STXBP6: variants seen among roughly 807,000 people sequenced by gnomAD.
The protein encoded by STXBP6 is syntaxin-binding protein 6.
A neutral mutation model predicts 26.9 loss-of-function variants in STXBP6; 21 were observed. The observed-to-expected ratio is 0.78, with a 90% confidence interval of 0.55 to 1.12. STXBP6 has a LOEUF of 1.12. STXBP6 is among the 50% of genes most tolerant of loss of function. The probability of loss-of-function intolerance (pLI) is 0.00; values close to 1 mark genes in which losing one functional copy is unlikely to be tolerated. For synonymous variants in STXBP6, 97 were observed against 92.6 expected (o/e 1.05, Z -0.27); for missense variants, 232 against 257.9 (o/e 0.90, Z 0.69).
intron 4 of STXBP6, among the ~76,000 whole-genome samples, chr14:24,851,241 T>TC (rs2069141073): frequency 6.7e-6 from 1 of 149,544 alleles, no homozygotes; most frequent in Non-Finnish European, 1.5e-5. Flanking sequence ...CCACGTCTCT[T>TC]TTTTTTTTTT....
At chr14:24,986,888 T>C (rs946090984) in intron 1 of STXBP6, among the ~76,000 whole-genome samples, 8 of 152,202 alleles carry the variant, frequency 5.3e-5, no homozygotes, top group Non-Finnish European at 8.8e-5. Flanking sequence ...CTCTATTCTA[T>C]GTCTTGAGAT....
rs530834249 is a variant in STXBP6 at position 24,856,987 on chromosome 14, G to C, written c.285+40C>G. 3.8e-5 allele frequency: 60 copies of C among 1,599,184 alleles called. No homozygotes were observed. The Middle Eastern group carries it at 8.4e-4, about 22-fold the overall frequency. On this transcript the variant is annotated intron_variant, in intron 3 of 5. Coordinates refer to ENST00000323944, the MANE Select transcript of STXBP6 (RefSeq NM_001394410.1). ...AAGGTCAATCAGAGAGTCATCTTGTGAAAAGAATGCCTTTGCTCAGCATTG... is the reference window on the plus strand; with the variant it reads ...AAGGTCAATCAGAGAGTCATCTTGTCAAAAGAATGCCTTTGCTCAGCATTG...
At chr14:25,022,795 C>A (rs913717272) in intron 1 of STXBP6, among the ~76,000 whole-genome samples, 1 of 152,156 alleles carries the variant, frequency 6.6e-6, no homozygotes, top group Admixed American at 6.5e-5. Flanking sequence ...GAAAATGCCA[C>A]ATTTTTATCT....
chr14:24,879,608 G>A (rs957673895), intron 2 of STXBP6, among the ~76,000 whole-genome samples: 1 of 152,198 alleles, frequency 6.6e-6, no homozygotes, highest in African/African-American at 2.4e-5. Flanking sequence ...ATTCTATTAT[G>A]GTCCTAAACC....
At chr14:25,018,316 T>G (rs2075195988) in intron 1 of STXBP6, among the ~76,000 whole-genome samples, 1 of 152,160 alleles carries the variant, frequency 6.6e-6, no homozygotes, top group East Asian at 1.9e-4. Flanking sequence ...TAGACCCCCC[T>G]AGTTCCCACA....
At chr14:25,005,177 T>C (rs1241020834) in intron 1 of STXBP6, among the ~76,000 whole-genome samples, 1 of 152,194 alleles carries the variant, frequency 6.6e-6, no homozygotes, top group Non-Finnish European at 1.5e-5. Flanking sequence ...GGGGATTTAT[T>C]TGAGAAACAA....
chr14:24,830,457 G>C (rs1310158403), intron 4 of STXBP6, among the ~76,000 whole-genome samples: 1 of 151,896 alleles, frequency 6.6e-6, no homozygotes, highest in Non-Finnish European at 1.5e-5. Context: ...AGAGGTGAGG[G>C]AAAAGGAAGA....
rs151056855 is a variant in STXBP6 at position 24,821,742 on chromosome 14, A to C, written c.452-2548T>G. Among the ~76,000 whole-genome samples the C allele has an allele frequency of 1.6e-3, 241 of 152,298 alleles. 1 individual carries two copies. The highest frequency in any genetic ancestry group is 5.5e-3 in the African/African-American group (227 of 41,566). On this transcript the variant is annotated intron_variant, in intron 4 of 5. Transcript: ENST00000323944. ...TATATCCTTCTTGGGTACTTAATTA[A>C]GTACAATCACGGGCAACTCTTCTCC...
intron 2 of STXBP6, among the ~76,000 whole-genome samples, chr14:24,911,375 AAG>A (rs138490421): frequency 1.4e-4 from 21 of 148,344 alleles, no homozygotes; most frequent in South Asian, 4.3e-4. Context: ...GGAAAGAAAG[AAG>A]AGAGAGAGAG....
At chr14:24,844,211 G>A (rs140692575) in intron 4 of STXBP6, among the ~76,000 whole-genome samples, 43 of 152,334 alleles carry the variant, frequency 2.8e-4, no homozygotes, top group African/African-American at 9.9e-4. Context: ...GACAGAAGCC[G>A]CTATGCTCCG....
intron 2 of STXBP6, among the ~76,000 whole-genome samples, chr14:24,969,891 C>T (rs1278551582): frequency 6.6e-6 from 1 of 152,132 alleles, no homozygotes; most frequent in Non-Finnish European, 1.5e-5. Context: ...TTAGGAGGTG[C>T]ATGGAGATAA....
chr14:24,955,974 C>T (rs1306503429), intron 2 of STXBP6, among the ~76,000 whole-genome samples: 1 of 152,092 alleles, frequency 6.6e-6, no homozygotes, highest in East Asian at 1.9e-4. Context: ...CAGCTGGTGT[C>T]GGTGTAAGAC....
intron 2 of STXBP6, among the ~76,000 whole-genome samples, chr14:24,881,259 C>A (rs1368898548): frequency 1.3e-5 from 2 of 152,156 alleles, no homozygotes; most frequent in Non-Finnish European, 2.9e-5. Flanking sequence ...AACTCCACTA[C>A]TTCCTGAATC....
chr14:24,928,382 C>CT (rs57471170), intron 2 of STXBP6, among the ~76,000 whole-genome samples: 35,840 of 150,282 alleles, frequency 0.24, 4,423 homozygotes, highest in African/African-American at 0.31. Context: ...GTTTGTTTTG[C>CT]TTTTTTTTTG....
chr14:24,879,398 T>C (rs1430146659), intron 2 of STXBP6, among the ~76,000 whole-genome samples: 1 of 152,208 alleles, frequency 6.6e-6, no homozygotes, highest in African/African-American at 2.4e-5. Flanking sequence ...GTAATCCATT[T>C]TGATACTGGA....
At chr14:25,027,003 G>A (rs1319823950) in intron 1 of STXBP6, among the ~76,000 whole-genome samples, 1 of 152,192 alleles carries the variant, frequency 6.6e-6, no homozygotes, top group Non-Finnish European at 1.5e-5. Flanking sequence ...ATTGTTAGGA[G>A]CTAACTCCTA....
chr14:24,856,766 C>G (rs1246242899), intron 3 of STXBP6, among the ~76,000 whole-genome samples: 1 of 151,564 alleles, frequency 6.6e-6, no homozygotes. Context: ...GCACTCTGAA[C>G]TTCGTACTTT....
intron 2 of STXBP6, among the ~76,000 whole-genome samples, chr14:24,939,461 C>CTT (rs35988306): frequency 1.2e-4 from 17 of 145,464 alleles, no homozygotes; most frequent in South Asian, 2.2e-4. Flanking sequence ...TCTACATTAC[C>CTT]TTTTTTTTTT....
At chr14:24,952,351 C>T (rs933355411) in intron 2 of STXBP6, among the ~76,000 whole-genome samples, 7 of 150,366 alleles carry the variant, frequency 4.7e-5, no homozygotes, top group Admixed American at 2.7e-4. Flanking sequence ...CTTAAATGCA[C>T]GTAGTTAATC....
Sources: allele counts gnomAD v4.1 joint callset (sites outside exome capture counted in the v4.1 genomes callset), GRCh38; gene constraint gnomAD v4.1.1; transcripts MANE v1.5; gene names NCBI Gene and HGNC (gene_info 2026-07-23, HGNC 2026-07-21).